SMYD3: variants seen among roughly 807,000 people sequenced by gnomAD.
SMYD3 encodes the protein histone-lysine N-methyltransferase SMYD3.
SMYD3 carries 36 observed loss-of-function variants against 57.7 expected under a neutral mutation model. The observed-to-expected ratio is 0.62, with a 90% CI of 0.48 to 0.82. The LOEUF (loss-of-function observed/expected upper bound fraction) is 0.82, where lower values mean the gene tolerates loss of function less well. SMYD3 is among the 40% of genes least tolerant of loss of function. The probability of loss-of-function intolerance (pLI) is 0.00; values close to 1 mark genes in which losing one functional copy is unlikely to be tolerated. For missense variants in SMYD3, 515 were observed against 538.8 expected, an observed-to-expected ratio of 0.96 and a Z score of 0.44; for synonymous variants, 211 against 195.0, an observed-to-expected ratio of 1.08 and a Z score of -0.68.
At chr1:246,193,747 TC>T (rs5782387) in intron 5 of SMYD3, 63,648 of 152,160 alleles carry the variant, frequency 0.42, 14,403 homozygotes, top group Non-Finnish European at 0.52. Context: ...ACAGCACACT[TC>T]CTGTAGATCT....
chr1:245,925,403 G>C (rs768884925), intron 7 of SMYD3, among the ~76,000 whole-genome samples: 3 of 152,122 alleles, frequency 2.0e-5, no homozygotes, highest in Non-Finnish European at 4.4e-5. Flanking sequence ...ACAATAAATA[G>C]GAATTACCCT....
At chr1:245,765,075 C>CAAAAAAAAAAAAAAAAAAAAAA (rs1272485977) in intron 10 of SMYD3, among the ~76,000 whole-genome samples, 1 of 120,590 alleles carries the variant, frequency 8.3e-6, no homozygotes, top group Non-Finnish European at 1.8e-5. Flanking sequence ...CACACACACA[C>CAAAAAAAAAAAAAAAAAAAAAA]ACAAAACCAC....
chr1:246,297,238 T>C (rs898831761), intron 5 of SMYD3, among the ~76,000 whole-genome samples: 1 of 151,692 alleles, frequency 6.6e-6, no homozygotes, highest in African/African-American at 2.4e-5. Context: ...TCCATGGAGG[T>C]GAAACAAACA....
chr1:246,185,560 C>T (rs2062623895), intron 5 of SMYD3, among the ~76,000 whole-genome samples: 1 of 150,196 alleles, frequency 6.7e-6, no homozygotes, highest in South Asian at 2.1e-4. Context: ...CTCCCGGGTT[C>T]AAGCCATTCT....
At chr1:246,357,037 A>C (rs1004087225) in intron 1 of SMYD3, among the ~76,000 whole-genome samples, 1 of 152,218 alleles carries the variant, frequency 6.6e-6, no homozygotes, top group African/African-American at 2.4e-5. Flanking sequence ...CAAAAGCATC[A>C]GGTAGCCTAT....
At chr1:245,963,492 G>T (rs973652599) in intron 5 of SMYD3, among the ~76,000 whole-genome samples, 1 of 151,876 alleles carries the variant, frequency 6.6e-6, no homozygotes, top group Non-Finnish European at 1.5e-5. Context: ...AAACTCCAGA[G>T]GTGCCCATCA....
intron 5 of SMYD3, among the ~76,000 whole-genome samples, chr1:245,932,184 G>A (rs533016100): frequency 2.6e-5 from 4 of 152,200 alleles, no homozygotes; most frequent in Admixed American, 2.6e-4. Context: ...CATCTGATCT[G>A]TTAACTTCTG....
chr1:245,893,912 A>G (rs1277151084), intron 8 of SMYD3, among the ~76,000 whole-genome samples: 2 of 152,240 alleles, frequency 1.3e-5, no homozygotes, highest in Admixed American at 6.5e-5. Flanking sequence ...CTATAGAAAC[A>G]GCATAGTGAA....
At chr1:245,835,903 G>A (rs1031590995) in intron 10 of SMYD3, among the ~76,000 whole-genome samples, 9 of 152,122 alleles carry the variant, frequency 5.9e-5, no homozygotes, top group African/African-American at 9.7e-5. Context: ...ACTTGTTAGC[G>A]TTAACAGTGC....
Position 246,025,520 on chromosome 1 carries a change from T to C in SMYD3, c.532-95583A>G, listed in dbSNP as rs377362809. On this transcript the variant is annotated intron_variant, in intron 5 of 11. Coordinates refer to ENST00000490107, the MANE Select transcript of SMYD3 (RefSeq NM_001167740.2). Reference sequence around the variant, plus strand: ...TTTCTGGAATTCATTAATTGAATCATGAAGAGAATTATGTAAGGTCAAAAC... The same window carrying C: ...TTTCTGGAATTCATTAATTGAATCACGAAGAGAATTATGTAAGGTCAAAAC... Among the ~76,000 whole-genome samples, 10 of 152,250 alleles carry C rather than the reference T, an allele frequency of 6.6e-5. No homozygotes were observed. In the East Asian group the frequency reaches 1.7e-3, roughly 26 times the overall value.
At chr1:246,024,129 T>C (rs528826627) in intron 5 of SMYD3, among the ~76,000 whole-genome samples, 1 of 152,326 alleles carries the variant, frequency 6.6e-6, no homozygotes, top group South Asian at 2.1e-4. Flanking sequence ...CAATATTTTT[T>C]CATACTCCAT....
rs971276295 is a variant in SMYD3, at chr1:245,836,696, G to A, written c.1076+21800C>T. Among the ~76,000 whole-genome samples, 3 of 152,310 alleles carry A rather than the reference G, an allele frequency of 2.0e-5. No homozygotes were observed. In the East Asian group the frequency reaches 5.8e-4, roughly 29 times the overall value. On this transcript the variant is annotated intron_variant, in intron 10 of 11. Coordinates refer to ENST00000490107, the MANE Select transcript of SMYD3 (RefSeq NM_001167740.2). ...CTCTTATAAGGAAGTAGAACTCAGA[G>A]AGCACTCACTGGCAGCAGGGGACTG...
At chr1:246,338,318 A>G (rs2065577321) in intron 2 of SMYD3, among the ~76,000 whole-genome samples, 1 of 152,218 alleles carries the variant, frequency 6.6e-6, no homozygotes. Context: ...AGCTCCTTTG[A>G]CTTTGAAGCA....
chr1:246,428,030 A>G (rs2067246601), intron 1 of SMYD3, among the ~76,000 whole-genome samples: 2 of 152,162 alleles, frequency 1.3e-5, no homozygotes, highest in South Asian at 2.1e-4. Flanking sequence ...ACTCAATGAA[A>G]TGTTCAAATA....
At chr1:245,841,567 C>T (rs61830168) in intron 10 of SMYD3, among the ~76,000 whole-genome samples, 5,705 of 151,890 alleles carry the variant, frequency 0.038, 163 homozygotes, top group Non-Finnish European at 0.053. Flanking sequence ...TCTAAACGGA[C>T]GGAAACACAA....
chr1:246,212,379 G>A (rs1272087904), intron 5 of SMYD3, among the ~76,000 whole-genome samples: 1 of 151,924 alleles, frequency 6.6e-6, no homozygotes, highest in African/African-American at 2.4e-5. Context: ...GTACCATTAG[G>A]GTATTCAAGA....
intron 5 of SMYD3, among the ~76,000 whole-genome samples, chr1:246,273,575 C>CTTTTTTTTT (rs75025399): frequency 1.4e-4 from 12 of 84,392 alleles, no homozygotes; most frequent in East Asian, 1.3e-3. Flanking sequence ...TTTCACTAAT[C>CTTTTTTTTT]TTTTTTTTTT....
chr1:246,404,702 A>C (rs78072264), intron 1 of SMYD3, among the ~76,000 whole-genome samples: 10,566 of 152,102 alleles, frequency 0.069, 421 homozygotes, highest in Middle Eastern at 0.17. Context: ...TGTGCTCTCC[A>C]ATACTGGCCA....
chr1:245,759,134 T>A (rs530923332), intron 11 of SMYD3, among the ~76,000 whole-genome samples: 1 of 152,334 alleles, frequency 6.6e-6, no homozygotes, highest in Admixed American at 6.5e-5. Flanking sequence ...TTATCCATTA[T>A]TTTCTTATCT....
Sources: gnomAD v4.1 joint callset for allele counts (sites outside exome capture counted in the v4.1 genomes callset) on GRCh38, gnomAD v4.1.1 for gene constraint, MANE v1.5 for transcripts, NCBI Gene and HGNC (gene_info 2026-07-23, HGNC 2026-07-21) for gene names.